Variants in NUDT3 observed in about 807,000 individuals in gnomAD.
NUDT3 encodes nudix hydrolase 3.
In NUDT3, 9 loss-of-function variants were observed where a neutral mutation model predicts 23.6. The ratio of observed to expected loss-of-function variants is 0.38; its 90% confidence interval spans 0.23 to 0.66. NUDT3 has a LOEUF of 0.66. NUDT3 is among the 30% of genes least tolerant of loss of function. NUDT3 has a pLI of 0.52. For missense variants in NUDT3, 172 were observed against 218.5 expected, an observed-to-expected ratio of 0.79 and a Z score of 1.34; for synonymous variants, 86 against 82.6, an observed-to-expected ratio of 1.04 and a Z score of -0.22.
At chr6:34,377,055 GAC>G (rs1342373776) in intron 1 of NUDT3, among the ~76,000 whole-genome samples, 2 of 151,970 alleles carry the variant, frequency 1.3e-5, no homozygotes, top group African/African-American at 4.8e-5. Context: ...GCCCAAGACT[GAC>G]TACTTCTGTA....
rs1284767720 is a variant in NUDT3, at chr6:34,392,658, C to G, written c.-296G>C. On this transcript the variant is annotated 5_prime_UTR_variant, in exon 1 of 5. Transcript: ENST00000607016. Reference sequence around the variant, plus strand: ...CCGCGCCGCCATCTTGGGCGCGATGCGTCAGCGGCGTAAGGCTGCACCGGC... The same window carrying G: ...CCGCGCCGCCATCTTGGGCGCGATGGGTCAGCGGCGTAAGGCTGCACCGGC... The G allele has an allele frequency of 4.9e-6, 1 of 202,754 alleles. No individual in the cohort carries two copies. The highest frequency in any genetic ancestry group is 9.9e-6 in the Non-Finnish European group (1 of 101,384). The allele number at this position is 202,754 out of a possible 1,614,324, so 12.6% of individuals were successfully genotyped here. A position where few individuals can be genotyped will look rare whatever the true frequency, so the allele number is the denominator to read the frequency against.
intron 1 of NUDT3, among the ~76,000 whole-genome samples, chr6:34,385,354 G>A (rs1179540689): frequency 5.3e-5 from 8 of 152,240 alleles, no homozygotes; most frequent in African/African-American, 9.6e-5. Flanking sequence ...TTGGGAGGCC[G>A]AGGCGGGCGG....
chr6:34,303,572 A>C (rs775621162), intron 2 of NUDT3, among the ~76,000 whole-genome samples: 4 of 152,078 alleles, frequency 2.6e-5, no homozygotes, highest in African/African-American at 9.7e-5. Context: ...CAAAAATACG[A>C]TGTTTGCTAT....
intron 2 of NUDT3, among the ~76,000 whole-genome samples, chr6:34,340,837 T>C (rs958569534): frequency 6.6e-6 from 1 of 152,164 alleles, no homozygotes; most frequent in Non-Finnish European, 1.5e-5. Context: ...AATCTAGTTA[T>C]GGGTATAAGA....
At chr6:34,316,423 A>G (rs1404221741) in intron 2 of NUDT3, among the ~76,000 whole-genome samples, 2 of 152,206 alleles carry the variant, frequency 1.3e-5, no homozygotes, top group East Asian at 3.8e-4. Context: ...AAAGGACAGG[A>G]CTGCTTCATA....
In NUDT3 at chr6:34,297,064, T is replaced by G. The variant is rs188886061; in HGVS notation, c.211-1379A>C. 8.3e-3 allele frequency among the ~76,000 whole-genome samples: 1,260 copies of G among 151,850 alleles called. 10 individuals are homozygous for G. Among genetic ancestry groups the G allele is most frequent in the African/African-American group, 0.024 (979 of 41,378 alleles). On this transcript the variant is annotated intron_variant, in intron 2 of 4. Transcript: ENST00000607016. Reference sequence around the variant, plus strand: ...CTCCCACCTCAGCCTCCCAAGTAGCTGGGACTACAGGTGCCCGCCACCACG... The same window carrying G: ...CTCCCACCTCAGCCTCCCAAGTAGCGGGGACTACAGGTGCCCGCCACCACG...
At chr6:34,347,977 A>AAAAT (rs140070236) in intron 1 of NUDT3, among the ~76,000 whole-genome samples, 1,848 of 151,508 alleles carry the variant, frequency 0.012, 24 homozygotes, top group African/African-American at 0.029. Context: ...GTCTACCAAA[A>AAAAT]AAATAAATAA....
intron 1 of NUDT3, among the ~76,000 whole-genome samples, chr6:34,353,920 CT>C (rs1293855590): frequency 9.1e-5 from 13 of 143,442 alleles, no homozygotes; most frequent in South Asian, 4.3e-4. Context: ...TAGTCTTTTT[CT>C]TTTTTTTTTG....
chr6:34,312,219 T>G (rs1763784247), intron 2 of NUDT3, among the ~76,000 whole-genome samples: 1 of 152,030 alleles, frequency 6.6e-6, no homozygotes. Context: ...CTGGCCAACA[T>G]GCCAAAACCC....
chr6:34,322,436 A>C (rs188704959), intron 2 of NUDT3, among the ~76,000 whole-genome samples: 2 of 151,426 alleles, frequency 1.3e-5, no homozygotes, highest in Non-Finnish European at 1.5e-5. Context: ...TCACTGTGTT[A>C]GCCAGGATGG....
chr6:34,311,466 A>G (rs1339421730), intron 2 of NUDT3, among the ~76,000 whole-genome samples: 1 of 152,250 alleles, frequency 6.6e-6, no homozygotes, highest in African/African-American at 2.4e-5. Flanking sequence ...CATGTTAATG[A>G]ATAGGAAGAC....
chr6:34,336,375 CTTCTT>C (rs1159619781), intron 2 of NUDT3, among the ~76,000 whole-genome samples: 2 of 152,094 alleles, frequency 1.3e-5, no homozygotes, highest in African/African-American at 4.8e-5. Flanking sequence ...GGCCATTTGT[CTTCTT>C]TTGAGAAAAG....
intron 2 of NUDT3, among the ~76,000 whole-genome samples, chr6:34,320,793 A>G (rs1213969084): frequency 6.6e-5 from 10 of 152,142 alleles, no homozygotes; most frequent in Non-Finnish European, 1.2e-4. Flanking sequence ...CTATGATCAC[A>G]CCACTCCATT....
chr6:34,383,443 A>T (rs1191227367), intron 1 of NUDT3, among the ~76,000 whole-genome samples: 1 of 152,172 alleles, frequency 6.6e-6, no homozygotes, highest in Non-Finnish European at 1.5e-5. Flanking sequence ...GCTGGAGTGC[A>T]GTGATGCAAA....
chr6:34,378,478 A>C (rs1764962362), intron 1 of NUDT3, among the ~76,000 whole-genome samples: 1 of 152,218 alleles, frequency 6.6e-6, no homozygotes. Context: ...TCTTGGTTGC[A>C]AGCAACAAAG....
At chr6:34,328,139 TGCCTCG>T (rs959844027) in intron 2 of NUDT3, among the ~76,000 whole-genome samples, 2 of 152,214 alleles carry the variant, frequency 1.3e-5, no homozygotes, top group Admixed American at 6.5e-5. Flanking sequence ...TTCAGTCTCT[TGCCTCG>T]GCACCTGGGT....
intron 3 of NUDT3, among the ~76,000 whole-genome samples, chr6:34,294,574 A>C (rs1011974416): frequency 2.0e-5 from 3 of 151,962 alleles, no homozygotes; most frequent in Admixed American, 2.0e-4. Context: ...AAAAATACAA[A>C]AACTGGCCAG....
At chr6:34,308,758 T>C (rs1484481535) in intron 2 of NUDT3, among the ~76,000 whole-genome samples, 1 of 152,178 alleles carries the variant, frequency 6.6e-6, no homozygotes, top group East Asian at 1.9e-4. Flanking sequence ...TAATCCTTAA[T>C]GTGTATATGC....
At chr6:34,342,289 C>CAAAAAAAAAAAAAAAAAAAAAAAA (rs200954440) in intron 1 of NUDT3, among the ~76,000 whole-genome samples, 2 of 66,518 alleles carry the variant, frequency 3.0e-5, no homozygotes, top group African/African-American at 4.5e-5. Flanking sequence ...TAGAAGACTT[C>CAAAAAAAAAAAAAAAAAAAAAAAA]AAAAAAAAAA....
Sources: allele counts gnomAD v4.1 joint callset (sites outside exome capture counted in the v4.1 genomes callset), GRCh38; gene constraint gnomAD v4.1.1; transcripts MANE v1.5; gene names NCBI Gene and HGNC (gene_info 2026-07-23, HGNC 2026-07-21).